The following SHISA9 variants were observed in gnomAD, a reference collection of about 807,000 sequenced individuals.
SHISA9 encodes protein shisa-9.
A neutral mutation model predicts 38.0 loss-of-function variants in SHISA9; 13 were observed. The observed-to-expected ratio is 0.34, with a 90% confidence interval of 0.22 to 0.54. The LOEUF is 0.54. Among genes scored for constraint, SHISA9 ranks in the 20% least tolerant of loss-of-function variants. The pLI is 0.91. For synonymous variants in SHISA9, 275 were observed against 242.0 expected, an observed-to-expected ratio of 1.14 and a Z score of -1.27; for missense variants, 538 against 575.8, an observed-to-expected ratio of 0.93 and a Z score of 0.67.
At chr16:13,223,810 T>A (rs1456228053) in intron 4 of SHISA9, among the ~76,000 whole-genome samples, 1 of 152,152 alleles carries the variant, frequency 6.6e-6, no homozygotes, top group Non-Finnish European at 1.5e-5. Context: ...GCAGAGGAAT[T>A]CCCCTTTATA....
the SHISA9 span, among the ~76,000 whole-genome samples, chr16:13,469,373 G>GAAAGAAAGAA: frequency 1.2e-5 from 1 of 83,610 alleles, no homozygotes; most frequent in East Asian, 4.4e-4. Flanking sequence ...GAAAAAGAAA[G>GAAAGAAAGAA]AAAGAAAGAA....
chr16:13,463,074 T>G, the SHISA9 span, among the ~76,000 whole-genome samples: 1 of 152,156 alleles, frequency 6.6e-6, no homozygotes, highest in Non-Finnish European at 1.5e-5. Context: ...GAGGATCACT[T>G]GAGCCTGGGG....
chr16:13,395,794 T>C, the SHISA9 span, among the ~76,000 whole-genome samples: 1 of 152,176 alleles, frequency 6.6e-6, no homozygotes, highest in Non-Finnish European at 1.5e-5. Context: ...GTGCTTGATA[T>C]GCACTTATTG....
At chr16:13,243,979 G>C (rs2051454235), downstream of SHISA9, among the ~76,000 whole-genome samples, 1 of 151,998 alleles carries the variant, frequency 6.6e-6, no homozygotes, top group Non-Finnish European at 1.5e-5. Flanking sequence ...CACCATGTTG[G>C]CCAGGATGGC....
chr16:13,343,337 A>G, the SHISA9 span, among the ~76,000 whole-genome samples: 2 of 152,170 alleles, frequency 1.3e-5, no homozygotes, highest in Non-Finnish European at 2.9e-5. Flanking sequence ...TCAATCTTAC[A>G]TACCTTTTCT....
intron 2 of SHISA9, among the ~76,000 whole-genome samples, chr16:12,918,864 T>C (rs1490447799): frequency 6.6e-6 from 1 of 152,236 alleles, no homozygotes; most frequent in African/African-American, 2.4e-5. Flanking sequence ...GTTGATCCAA[T>C]TCTTCTTTCC....
At chr16:13,214,513 C>T (rs952385971) in intron 4 of SHISA9, among the ~76,000 whole-genome samples, 5 of 152,096 alleles carry the variant, frequency 3.3e-5, no homozygotes, top group Non-Finnish European at 7.4e-5. Context: ...GCCAGTAGAA[C>T]TCTTTAATGA....
intron 2 of SHISA9, among the ~76,000 whole-genome samples, chr16:13,170,433 T>C (rs555062628): frequency 6.6e-6 from 1 of 152,084 alleles, no homozygotes; most frequent in South Asian, 2.1e-4. Flanking sequence ...TAAAGAGAAT[T>C]GATTTGTGAT....
chr16:13,143,131 C>T (rs763367609), intron 2 of SHISA9, among the ~76,000 whole-genome samples: 7 of 151,990 alleles, frequency 4.6e-5, no homozygotes, highest in East Asian at 1.9e-4. Flanking sequence ...CTCAGGCTCC[C>T]GAGTAGCTGG....
the SHISA9 span, among the ~76,000 whole-genome samples, chr16:13,301,488 A>G: frequency 5.8e-3 from 885 of 152,352 alleles, 7 homozygotes; most frequent in African/African-American, 0.02. Flanking sequence ...AGTCATATGC[A>G]GCTGCTGGTG....
At chr16:13,187,914 A>T (rs1300913298) in intron 2 of SHISA9, among the ~76,000 whole-genome samples, 2 of 152,106 alleles carry the variant, frequency 1.3e-5, no homozygotes, top group Middle Eastern at 3.2e-3. Context: ...CTGATATGGG[A>T]TTGTCTACAG....
At chr16:13,070,289 T>G (rs2073497909) in intron 2 of SHISA9, among the ~76,000 whole-genome samples, 1 of 152,096 alleles carries the variant, frequency 6.6e-6, no homozygotes, top group Non-Finnish European at 1.5e-5. Context: ...CATCTCTGTG[T>G]CTCCCTCCCT....
At chr16:12,908,753 G>A (rs1443007856) in intron 1 of SHISA9, 16 of 1,405,906 alleles carry the variant, frequency 1.1e-5, no homozygotes, top group Admixed American at 2.9e-5. Context: ...TTTCTATATC[G>A]GCCCCGGCAG....
At chr16:13,398,603 C>CA in the SHISA9 span, among the ~76,000 whole-genome samples, 1 of 151,810 alleles carries the variant, frequency 6.6e-6, no homozygotes, top group Non-Finnish European at 1.5e-5. Flanking sequence ...CACCCCACCT[C>CA]CGGTTCGAGC....
chr16:13,257,958 T>C, the SHISA9 span, among the ~76,000 whole-genome samples: 1 of 152,234 alleles, frequency 6.6e-6, no homozygotes. Flanking sequence ...AAAAACATCA[T>C]GACCAGACTT....
chr16:13,302,683 C>A, the SHISA9 span, among the ~76,000 whole-genome samples: 1 of 152,202 alleles, frequency 6.6e-6, no homozygotes, highest in South Asian at 2.1e-4. Context: ...TCTAGATAAT[C>A]TCACTTCCTC....
chr16:13,089,858 T>C (rs2073755176), intron 2 of SHISA9, among the ~76,000 whole-genome samples: 1 of 152,226 alleles, frequency 6.6e-6, no homozygotes, highest in South Asian at 2.1e-4. Context: ...TAAATTTGTT[T>C]GCTCTTGCTT....
chr16:13,240,917 G>A (rs904661030), downstream of SHISA9, among the ~76,000 whole-genome samples: 4 of 150,760 alleles, frequency 2.7e-5, no homozygotes, highest in African/African-American at 9.8e-5. Flanking sequence ...CGGAGATTAG[G>A]ATGTGAGAAA....
chr16:13,197,837 T>G (rs1044618339), intron 2 of SHISA9, among the ~76,000 whole-genome samples: 1 of 152,210 alleles, frequency 6.6e-6, no homozygotes, highest in African/African-American at 2.4e-5. Context: ...AGGGAACTTC[T>G]GAGAGTGAGA....
Sources: gnomAD v4.1 joint callset for allele counts (sites outside exome capture counted in the v4.1 genomes callset) on GRCh38, gnomAD v4.1.1 for gene constraint, MANE v1.5 for transcripts, NCBI Gene and HGNC (gene_info 2026-07-23, HGNC 2026-07-21) for gene names.